Variants in MTF2 observed in about 807,000 individuals in gnomAD.
The protein encoded by MTF2 is metal-response element-binding transcription factor 2.
A neutral mutation model predicts 79.5 loss-of-function variants in MTF2; 11 were observed. That is an observed-to-expected ratio of 0.14 (90% CI 0.09 to 0.23). The LOEUF is 0.23. MTF2 is among the 10% of genes least tolerant of loss of function. The pLI is 1.00. For missense variants in MTF2, 486 were observed against 711.2 expected (o/e 0.68, Z 3.60); for synonymous variants, 208 against 232.8 (o/e 0.89, Z 0.97).
Position 93,133,771 on chromosome 1 carries a change from C to A in MTF2, c.1229C>A (p.Thr410Lys), listed in dbSNP as rs753751265. Reference sequence around the variant, plus strand: ...GTAGGTCGTCCACCTGGCCCATATACAAGAAAAATGATTCAAAAAACTGCT... The same window carrying A: ...GTAGGTCGTCCACCTGGCCCATATAAAAGAAAAATGATTCAAAAAACTGCT... The part of the protein sequence containing the change: ...KSVGRPPGPY[T>K]RKMIQKTAEP... The change falls in exon 12 of 15, where the codon ACA (threonine) becomes AAA (lysine). Residue 410 changes from threonine to lysine, a missense_variant. Transcript: ENST00000370298. The A allele has an allele frequency of 1.9e-6, 3 of 1,611,492 alleles. No homozygotes were observed. The highest frequency in any genetic ancestry group is 4.5e-5 in the East Asian group (2 of 44,780).
intron 1 of MTF2, among the ~76,000 whole-genome samples, chr1:93,086,759 A>G (rs947201194): frequency 6.6e-6 from 1 of 152,226 alleles, no homozygotes; most frequent in Non-Finnish European, 1.5e-5. Context: ...GTCCTTTTGT[A>G]TTTATCTATG....
intron 3 of MTF2, 119 bp downstream of exon 3, chr1:93,110,745 T>G (rs494745): frequency 1 from 806,047 of 806,322 alleles, 402,887 homozygotes; most frequent in Non-Finnish European, 1. Flanking sequence ...TATTACTTCC[T>G]AGGAGAGGTT....
At chr1:93,123,916 T>G (rs1656591285) in intron 9 of MTF2, among the ~76,000 whole-genome samples, 1 of 151,930 alleles carries the variant, frequency 6.6e-6, no homozygotes, top group Admixed American at 6.6e-5. Flanking sequence ...TGGTAGATAG[T>G]TATAATTGAT....
In MTF2 at chr1:93,115,083, A is replaced by G. The variant is rs748639887; in HGVS notation, c.478A>G (p.Thr160Ala). 8.2e-6 allele frequency: 13 copies of G among 1,594,394 alleles called. No homozygotes were observed. The highest frequency in any genetic ancestry group is 5.0e-5 in the Admixed American group (3 of 59,854). ...TCGGCAGTGTGTTTTTGCAACAACAACAAAGGTATATTTTAAGTGTTTTGG... is the reference window on the plus strand; with the variant it reads ...TCGGCAGTGTGTTTTTGCAACAACAGCAAAGGTATATTTTAAGTGTTTTGG... ...LCRQCVFATT[T>A]KRGGALKKGP... Residue 160 changes from threonine (T) to alanine (A), a missense_variant, in exon 5 of 15, where the codon ACA (threonine) becomes GCA (alanine). Physicochemically the swap from Thr to Ala is moderately conservative, Grantham distance 58. Coordinates refer to ENST00000370298, the MANE Select transcript of MTF2 (RefSeq NM_007358.4).
At chr1:93,111,919 C>CT (rs1284144514) in intron 3 of MTF2, among the ~76,000 whole-genome samples, 1 of 152,112 alleles carries the variant, frequency 6.6e-6, no homozygotes, top group East Asian at 1.9e-4. Context: ...TTTCTTTCAG[C>CT]TTTTGAAGAT....
chr1:93,106,333 G>T (rs1212278749), intron 1 of MTF2, among the ~76,000 whole-genome samples: 1 of 152,086 alleles, frequency 6.6e-6, no homozygotes, highest in African/African-American at 2.4e-5. Context: ...TATGAAACTG[G>T]GAATGTTTGC....
chr1:93,086,137 T>C (rs1654824713), intron 1 of MTF2, among the ~76,000 whole-genome samples: 1 of 152,184 alleles, frequency 6.6e-6, no homozygotes, highest in Non-Finnish European at 1.5e-5. Flanking sequence ...GCTGTATATG[T>C]AATCTGTCGT....
intron 8 of MTF2, chr1:93,119,673 T>C (rs1656392712): frequency 3.2e-6 from 1 of 313,686 alleles, no homozygotes; most frequent in Non-Finnish European, 5.8e-6. Context: ...TCTAGTTCTT[T>C]TGAACATTCA....
chr1:93,088,408 A>G (rs1396678581), intron 1 of MTF2, among the ~76,000 whole-genome samples: 1 of 152,140 alleles, frequency 6.6e-6, no homozygotes, highest in Non-Finnish European at 1.5e-5. Flanking sequence ...CTTTTGCACA[A>G]ATAATTTAGA....
intron 9 of MTF2, among the ~76,000 whole-genome samples, chr1:93,123,386 G>A (rs958606335): frequency 1.3e-5 from 2 of 151,240 alleles, no homozygotes; most frequent in Non-Finnish European, 2.9e-5. Context: ...CTTGTTATAC[G>A]TAATATAGAC....
At chr1:93,099,828 G>A (rs1470977877) in intron 1 of MTF2, among the ~76,000 whole-genome samples, 2 of 152,144 alleles carry the variant, frequency 1.3e-5, no homozygotes, top group Non-Finnish European at 2.9e-5. Flanking sequence ...ATCATTGACA[G>A]TTTGAAACAG....
chr1:93,133,016 C>T (rs933121967), intron 11 of MTF2, among the ~76,000 whole-genome samples: 3 of 151,662 alleles, frequency 2.0e-5, no homozygotes, highest in Non-Finnish European at 4.4e-5. Flanking sequence ...AGTGTCTTTG[C>T]CTATTGCACT....
In MTF2 at chr1:93,133,687, T is replaced by C; in HGVS notation, c.1161-16T>C. The C allele has an allele frequency of 6.4e-7, 1 of 1,573,198 alleles. No individual in the cohort carries two copies. Among genetic ancestry groups the C allele is most frequent in the Non-Finnish European group, 8.7e-7 (1 of 1,147,586 alleles). ...CTTTATGCAGAGATTAAATGCATAA[T>C]GGTTTTCCATTTCAGGGAAGTAAGC... On this transcript the variant is annotated splice_polypyrimidine_tract_variant and intron_variant, in intron 11 of 14. Coordinates refer to ENST00000370298, the MANE Select transcript of MTF2 (RefSeq NM_007358.4).
chr1:93,108,255 T>C (rs1655886729), intron 1 of MTF2, among the ~76,000 whole-genome samples: 2 of 151,506 alleles, frequency 1.3e-5, no homozygotes, highest in South Asian at 2.1e-4. Flanking sequence ...ATAATTACTT[T>C]TGTTGGTATT....
chr1:93,132,098 TATAAG>T (rs1656942206), intron 11 of MTF2, among the ~76,000 whole-genome samples: 1 of 152,074 alleles, frequency 6.6e-6, no homozygotes, highest in South Asian at 2.1e-4. Context: ...CTCGATGAAA[TATAAG>T]GTAAAGATAG....
intron 1 of MTF2, among the ~76,000 whole-genome samples, chr1:93,097,471 A>G (rs928083710): frequency 2.6e-5 from 4 of 152,218 alleles, no homozygotes; most frequent in Non-Finnish European, 4.4e-5. Context: ...ATTTATTGTT[A>G]TAAGAGTGAT....
chr1:93,101,688 C>T (rs1437009630), intron 1 of MTF2, among the ~76,000 whole-genome samples: 1 of 149,366 alleles, frequency 6.7e-6, no homozygotes, highest in African/African-American at 2.5e-5. Flanking sequence ...CGCAATTCTC[C>T]CATCTCAGCT....
In MTF2 at chr1:93,126,579, AG is replaced by A. The variant is rs1463757112; in HGVS notation, c.922-651del. ...ATGCCTTAGTCAAGAAGAGGCAGAA[AG>A]GTCTCTGAGAAAAAGCCCTATTGGA... On this transcript the variant is annotated intron_variant, in intron 9 of 14. Coordinates refer to ENST00000370298, the MANE Select transcript of MTF2 (RefSeq NM_007358.4). 3.3e-5 allele frequency among the ~76,000 whole-genome samples: 5 copies of A among 152,154 alleles called. No homozygotes were observed. In the East Asian group the frequency reaches 9.6e-4, roughly 29 times the overall value.
intron 10 of MTF2, 61 bp from the exon 11 acceptor site, chr1:93,129,217 G>A (rs1343598560): frequency 1.7e-6 from 2 of 1,178,854 alleles, no homozygotes; most frequent in African/African-American, 1.6e-5. Context: ...AGTTAAGTTA[G>A]GGTCTACTAT....
Sources: gnomAD v4.1 joint callset for allele counts (sites outside exome capture counted in the v4.1 genomes callset) on GRCh38, gnomAD v4.1.1 for gene constraint, MANE v1.5 for transcripts, NCBI Gene and HGNC (gene_info 2026-07-23, HGNC 2026-07-21) for gene names.